The following SLC49A4 variants were observed in gnomAD, a reference collection of about 807,000 sequenced individuals.
The protein encoded by SLC49A4 is solute carrier family 49 member 4, also known as disrupted in renal cancer protein 2.
In SLC49A4, 36 loss-of-function variants were observed where a neutral mutation model predicts 50.6. The ratio of observed to expected loss-of-function variants is 0.71; its 90% CI spans 0.55 to 0.94. SLC49A4 has a LOEUF of 0.94. SLC49A4 is among the 40% of genes least tolerant of loss of function. SLC49A4 has a pLI of 0.00. For missense variants in SLC49A4, 503 were observed against 605.7 expected, an observed-to-expected ratio of 0.83 and a Z score of 1.78; for synonymous variants, 248 against 241.2, an observed-to-expected ratio of 1.03 and a Z score of -0.26.
chr3:122,827,565 G>C (rs896955020), intron 3 of SLC49A4, among the ~76,000 whole-genome samples: 1 of 152,162 alleles, frequency 6.6e-6, no homozygotes, highest in Non-Finnish European at 1.5e-5. Context: ...CAGGGATACT[G>C]ACCTTTCTAA....
chr3:122,849,446 G>A (rs1936897500), intron 5 of SLC49A4, among the ~76,000 whole-genome samples: 1 of 152,162 alleles, frequency 6.6e-6, no homozygotes, highest in South Asian at 2.1e-4. Context: ...TCCACCAGCA[G>A]TGTCCAAGCA....
At chr3:122,813,404 A>T (rs930396928) in intron 2 of SLC49A4, among the ~76,000 whole-genome samples, 1 of 152,104 alleles carries the variant, frequency 6.6e-6, no homozygotes, top group African/African-American at 2.4e-5. Context: ...TGTTCGGTAC[A>T]TCATACAGAG....
intron 8 of SLC49A4, among the ~76,000 whole-genome samples, chr3:122,877,180 T>A (rs1937276863): frequency 6.6e-6 from 1 of 152,236 alleles, no homozygotes; most frequent in Non-Finnish European, 1.5e-5. Context: ...AGTCATTTCC[T>A]TGCTTATTAG....
At chr3:122,801,784 T>C (rs1189302299) in intron 1 of SLC49A4, among the ~76,000 whole-genome samples, 2 of 152,094 alleles carry the variant, frequency 1.3e-5, no homozygotes, top group African/African-American at 4.8e-5. Flanking sequence ...ACCAAGTTTA[T>C]GAAAGGAGTA....
At chr3:122,803,406 G>C (rs1936162253) in intron 1 of SLC49A4, among the ~76,000 whole-genome samples, 1 of 152,206 alleles carries the variant, frequency 6.6e-6, no homozygotes, top group African/African-American at 2.4e-5. Flanking sequence ...GTAGGAAGAA[G>C]AGATGAGGTC....
intron 5 of SLC49A4, among the ~76,000 whole-genome samples, chr3:122,847,319 T>C (rs1361762312): frequency 1.3e-5 from 2 of 151,838 alleles, no homozygotes; most frequent in Non-Finnish European, 2.9e-5. Flanking sequence ...TAGAATCTCT[T>C]TATTGTGTCA....
At chr3:122,826,711 A>C in intron 2 of SLC49A4, 89 bp from the exon 3 acceptor site, 1 of 1,302,212 alleles carries the variant, frequency 7.7e-7, no homozygotes, top group Non-Finnish European at 1.1e-6. Flanking sequence ...TTATTGCCAT[A>C]GTTAAAAACT....
At chr3:122,812,477 A>G (rs1176159724) in intron 2 of SLC49A4, among the ~76,000 whole-genome samples, 1 of 152,228 alleles carries the variant, frequency 6.6e-6, no homozygotes, top group Non-Finnish European at 1.5e-5. Context: ...TGTCTTCTAA[A>G]ATATCATTCA....
intron 2 of SLC49A4, among the ~76,000 whole-genome samples, chr3:122,810,504 G>A (rs1382045484): frequency 6.6e-6 from 1 of 152,150 alleles, no homozygotes; most frequent in African/African-American, 2.4e-5. Flanking sequence ...GACTTCTGAA[G>A]GGTGAACTTA....
intron 1 of SLC49A4, among the ~76,000 whole-genome samples, chr3:122,795,849 T>A (rs183566171): frequency 6.6e-6 from 1 of 152,364 alleles, no homozygotes; most frequent in East Asian, 1.9e-4. Flanking sequence ...GTGCGGTGTA[T>A]GTGTTTTACA....
rs370870577 is a variant in SLC49A4 at position 122,800,708 on chromosome 3, A to G, written c.343+5173A>G. The stretch of plus-strand genomic sequence containing the variant: ...AAGCATTGACAGTTGATTCTTTAGT[A>G]GTAACGGGAAAGAAGATAGAGTATA... On this transcript the variant is annotated intron_variant, in intron 1 of 8. Transcript: ENST00000261038. Among the ~76,000 whole-genome samples, 4 of 152,218 alleles carry G rather than the reference A, an allele frequency of 2.6e-5. No homozygotes were observed. In the South Asian group the frequency reaches 6.2e-4, roughly 24 times the overall value.
intron 5 of SLC49A4, among the ~76,000 whole-genome samples, chr3:122,855,874 T>C (rs1284206360): frequency 6.6e-6 from 1 of 152,212 alleles, no homozygotes; most frequent in East Asian, 1.9e-4. Flanking sequence ...CAACTTCTTT[T>C]TCTCTGTCTA....
intron 2 of SLC49A4, among the ~76,000 whole-genome samples, chr3:122,810,681 C>T (rs147445874): frequency 7.9e-5 from 12 of 152,140 alleles, no homozygotes; most frequent in Non-Finnish European, 1.5e-4. Context: ...CTTTTCAGTT[C>T]GGTGTAATTT....
chr3:122,862,107 T>C (rs1462224419), intron 7 of SLC49A4, among the ~76,000 whole-genome samples: 1 of 152,226 alleles, frequency 6.6e-6, no homozygotes, highest in African/African-American at 2.4e-5. Context: ...AGTGCACACA[T>C]CTCATCAATA....
chr3:122,810,375 T>C (rs1936281605), intron 2 of SLC49A4, among the ~76,000 whole-genome samples: 1 of 152,208 alleles, frequency 6.6e-6, no homozygotes, highest in Non-Finnish European at 1.5e-5. Context: ...TTTTCTTCTA[T>C]GATCTCGAAC....
At chr3:122,817,795 A>G (rs1031748976) in intron 2 of SLC49A4, among the ~76,000 whole-genome samples, 11 of 97,960 alleles carry the variant, frequency 1.1e-4, no homozygotes, top group Non-Finnish European at 9.4e-5. Flanking sequence ...GGGTTTCACT[A>G]TGTTGCCCAG....
rs191693205 is a variant in SLC49A4, at chr3:122,860,278, T to G, written c.1138+76T>G. 162 of 1,314,266 alleles carry G rather than the reference T, an allele frequency of 1.2e-4. 1 individual carries two copies. The highest frequency in any genetic ancestry group is 1.2e-3 in the Admixed American group (41 of 34,708). The allele number at this position is 1,314,266 out of a possible 1,614,324, so 81.4% of individuals were successfully genotyped here. ...GTGTACATAACTCTGACAGTAGGAC[T>G]TCTTCTTGCTTTCTGTAAGTAATTG... On this transcript the variant is annotated intron_variant, in intron 7 of 8. Transcript: ENST00000261038.
At chr3:122,824,899 A>C (rs1021854752) in intron 2 of SLC49A4, among the ~76,000 whole-genome samples, 1 of 151,206 alleles carries the variant, frequency 6.6e-6, no homozygotes, top group Admixed American at 6.6e-5. Flanking sequence ...TGCCCAGCTA[A>C]TTTTTGTATT....
intron 2 of SLC49A4, among the ~76,000 whole-genome samples, chr3:122,817,557 A>AGT (rs551410619): frequency 0.016 from 2,352 of 151,156 alleles, 31 homozygotes; most frequent in Non-Finnish European, 0.021. Flanking sequence ...AGAGAGAGAG[A>AGT]GTGTGTGTGT....
Sources: allele counts gnomAD v4.1 joint callset (sites outside exome capture counted in the v4.1 genomes callset), GRCh38; gene constraint gnomAD v4.1.1; transcripts MANE v1.5; gene names NCBI Gene and HGNC (gene_info 2026-07-23, HGNC 2026-07-21).